The following NRCAM variants were observed in gnomAD, a reference collection of about 807,000 sequenced individuals.
NRCAM encodes neuronal cell adhesion molecule, also known as NgCAM-related cell adhesion molecule.
Under a neutral mutation model 156.5 loss-of-function variants are expected in NRCAM, and 83 were observed. That is an observed-to-expected ratio of 0.53 (90% CI 0.44 to 0.64). The LOEUF (loss-of-function observed/expected upper bound fraction) is 0.64, where lower values mean the gene tolerates loss of function less well. NRCAM is among the 30% of genes least tolerant of loss of function. The pLI, the probability that NRCAM is intolerant of heterozygous loss-of-function variation, is 0.00. For synonymous variants in NRCAM, 538 were observed against 563.9 expected, an observed-to-expected ratio of 0.95 and a Z score of 0.65; for missense variants, 1,417 against 1,597.3, an observed-to-expected ratio of 0.89 and a Z score of 1.92.
intron 14 of NRCAM, among the ~76,000 whole-genome samples, chr7:108,196,373 G>A (rs569233823): frequency 1.3e-5 from 2 of 152,306 alleles, no homozygotes; most frequent in African/African-American, 4.8e-5. Context: ...CAGCCAAAGA[G>A]ATAGTCAACA....
intron 3 of NRCAM, among the ~76,000 whole-genome samples, chr7:108,294,362 T>C (rs899518889): frequency 3.4e-5 from 5 of 147,840 alleles, no homozygotes; most frequent in African/African-American, 1.3e-4. Context: ...CTCTTCTTCC[T>C]TTATGTTCCT....
rs559775294 is a variant in NRCAM, at chr7:108,337,331, C to G, written c.-173-24600G>C. ...TCCCTTTGTATAGGAGCTCTGTTTTCACTCTATTAAATCTTGCAACTGCAC... is the reference window on the plus strand; with the variant it reads ...TCCCTTTGTATAGGAGCTCTGTTTTGACTCTATTAAATCTTGCAACTGCAC... On this transcript the variant is annotated intron_variant, in intron 2 of 32. Coordinates refer to ENST00000379028, the MANE Select transcript of NRCAM (RefSeq NM_001037132.4). 3.3e-5 allele frequency among the ~76,000 whole-genome samples: 5 copies of G among 151,794 alleles called. No homozygotes were observed. The East Asian group carries it at 9.7e-4, about 29-fold the overall frequency.
At chr7:108,333,329 A>G (rs1593834924) in intron 2 of NRCAM, among the ~76,000 whole-genome samples, 1 of 152,206 alleles carries the variant, frequency 6.6e-6, no homozygotes, top group East Asian at 1.9e-4. Context: ...GAATATCTCT[A>G]TATAAGAATA....
chr7:108,417,445 A>G (rs1803014211), intron 1 of NRCAM, among the ~76,000 whole-genome samples: 1 of 152,112 alleles, frequency 6.6e-6, no homozygotes, highest in African/African-American at 2.4e-5. Flanking sequence ...CAACAATCCT[A>G]CCTATAAGGG....
intron 14 of NRCAM, 100 bp downstream of exon 14, chr7:108,197,856 T>C: frequency 2.3e-6 from 2 of 851,798 alleles, no homozygotes; most frequent in Non-Finnish European, 3.5e-6. Flanking sequence ...GTACTGTGCA[T>C]TGCACATAGT....
At chr7:108,327,740 G>C (rs890258978) in intron 2 of NRCAM, among the ~76,000 whole-genome samples, 1 of 152,052 alleles carries the variant, frequency 6.6e-6, no homozygotes, top group Non-Finnish European at 1.5e-5. Context: ...TCATCCTCTT[G>C]ACCACTGAAC....
At chr7:108,247,704 A>C (rs1399970232) in intron 3 of NRCAM, among the ~76,000 whole-genome samples, 1 of 151,626 alleles carries the variant, frequency 6.6e-6, no homozygotes, top group East Asian at 1.9e-4. Flanking sequence ...ATTAAGGTAG[A>C]GAACAGGATG....
chr7:108,405,970 T>TCA (rs111321967), intron 1 of NRCAM, among the ~76,000 whole-genome samples: 23 of 149,676 alleles, frequency 1.5e-4, no homozygotes, highest in African/African-American at 5.7e-4. Context: ...TTTTTTTTTT[T>TCA]AATTTAAAAA....
chr7:108,256,174 T>G (rs1253173969), intron 3 of NRCAM, among the ~76,000 whole-genome samples: 1 of 143,708 alleles, frequency 7.0e-6, no homozygotes. Context: ...GTGGTTTTGT[T>G]GAATAGAAAA....
At chr7:108,177,957 A>G (rs550700193) in intron 26 of NRCAM, 33 bp downstream of exon 26, 3 of 1,564,724 alleles carry the variant, frequency 1.9e-6, no homozygotes, top group Admixed American at 2.0e-5. Context: ...ATAAAAAAAC[A>G]TATTTCCCCT....
rs1451860676 is a variant in NRCAM at position 108,159,511 on chromosome 7, G to A, written c.3629C>T (p.Pro1210Leu). ...ATCTTCCTTCATAGGCTGGATTTCA[G>A]GGTCAGCATGGGCATCTTCCTTTTC... Reference protein sequence around the residue: ...VKEKEDAHADPEIQPMKEDDG... With the variant: ...VKEKEDAHADLEIQPMKEDDG... Residue 1210 changes from proline (P) to leucine (L), a missense_variant, in exon 32 of 33, where the codon CCT becomes CTT. Physicochemically the swap from Pro to Leu is moderately conservative, Grantham distance 98. Transcript: ENST00000379028. The A allele has an allele frequency of 1.9e-6, 3 of 1,613,432 alleles. No homozygotes were observed. Among genetic ancestry groups the A allele is most frequent in the Non-Finnish European group, 2.5e-6 (3 of 1,179,510 alleles).
chr7:108,259,648 G>A (rs943692782), intron 3 of NRCAM, among the ~76,000 whole-genome samples: 1 of 152,182 alleles, frequency 6.6e-6, no homozygotes, highest in South Asian at 2.1e-4. Context: ...ATAGACAATG[G>A]AATACTATGC....
rs185877200 is a variant in NRCAM, at chr7:108,339,221, A to T, written c.-173-26490T>A. Among the ~76,000 whole-genome samples the T allele has an allele frequency of 3.8e-3, 578 of 152,312 alleles. 2 individuals are homozygous for T. The highest frequency in any genetic ancestry group is 6.6e-3 in the Non-Finnish European group (449 of 68,022). On this transcript the variant is annotated intron_variant, in intron 2 of 32. Transcript: ENST00000379028. ...TAGGAGGAACTCCCTTCAGTACAGG[A>T]TGATAGATGGTTCCTCCCAGGTGAA...
intron 2 of NRCAM, among the ~76,000 whole-genome samples, chr7:108,319,694 T>C (rs2098977331): frequency 6.6e-6 from 1 of 152,196 alleles, no homozygotes; most frequent in Admixed American, 6.5e-5. Flanking sequence ...AGGTCAGACT[T>C]TTCTAAGGAA....
rs181280927 is a variant in NRCAM at position 108,427,879 on chromosome 7, T to C, written c.-331-28286A>G. ...TGTCCTTAACTATTTTACTACCATATCTTATTTTATTTGAGTGATTAATCA... is the reference window on the plus strand; with the variant it reads ...TGTCCTTAACTATTTTACTACCATACCTTATTTTATTTGAGTGATTAATCA... On this transcript the variant is annotated intron_variant, in intron 1 of 32. Coordinates refer to ENST00000379028, the MANE Select transcript of NRCAM (RefSeq NM_001037132.4). 5.2e-4 allele frequency among the ~76,000 whole-genome samples: 79 copies of C among 152,336 alleles called. 1 individual carries two copies. The East Asian group carries it at 0.014, about 28-fold the overall frequency.
chr7:108,250,056 C>T (rs1318007165), intron 3 of NRCAM, among the ~76,000 whole-genome samples: 4 of 152,128 alleles, frequency 2.6e-5, no homozygotes, highest in South Asian at 2.1e-4. Context: ...AAGTCATCTA[C>T]GTGTCCATCA....
chr7:108,448,256 ATGT>A (rs1197707502), intron 1 of NRCAM, among the ~76,000 whole-genome samples: 1 of 152,252 alleles, frequency 6.6e-6, no homozygotes, highest in Non-Finnish European at 1.5e-5. Flanking sequence ...AGTAAATTAG[ATGT>A]TGTTCACATT....
intron 11 of NRCAM, among the ~76,000 whole-genome samples, chr7:108,215,679 G>T (rs912256323): frequency 2.7e-5 from 4 of 148,644 alleles, no homozygotes; most frequent in Non-Finnish European, 1.5e-5. Context: ...TGTCTTTTTT[G>T]ATCTTTGCTG....
chr7:108,232,301 T>C (rs375889003), intron 7 of NRCAM, 25 bp downstream of exon 7: 11 of 1,553,778 alleles, frequency 7.1e-6, no homozygotes, highest in African/African-American at 6.9e-5. Context: ...AAAAGGGTCA[T>C]GTTGGTTGAC....
Sources: gnomAD v4.1 joint callset for allele counts (sites outside exome capture counted in the v4.1 genomes callset) on GRCh38, gnomAD v4.1.1 for gene constraint, MANE v1.5 for transcripts, NCBI Gene and HGNC (gene_info 2026-07-23, HGNC 2026-07-21) for gene names.